The following LRRC37A variants were observed in gnomAD, a reference collection of about 807,000 sequenced individuals.
The protein encoded by LRRC37A is leucine-rich repeat-containing protein 37A.
In LRRC37A, 3 loss-of-function variants were observed where a neutral mutation model predicts 35.4. The observed-to-expected ratio is 0.08, with a 90% CI of 0.04 to 0.22. The LOEUF is 0.22. Ranked by LOEUF, LRRC37A falls within the 10% of genes least tolerant of loss-of-function variation. The probability of loss-of-function intolerance (pLI) is 1.00; values close to 1 mark genes in which losing one functional copy is unlikely to be tolerated. For synonymous variants in LRRC37A, 23 were observed against 215.0 expected (o/e 0.11, Z 7.81); for missense variants, 67 against 565.3 (o/e 0.12, Z 8.94).
At chr17:46,292,023 C>A (rs1443824059), upstream of LRRC37A, among the ~76,000 whole-genome samples, 9 of 133,920 alleles carry the variant, frequency 6.7e-5, no homozygotes, top group Admixed American at 5.3e-4. Flanking sequence ...GAATTCACTC[C>A]AAATGAAATT....
At chr17:46,289,206 A>G (rs2732607), upstream of LRRC37A, among the ~76,000 whole-genome samples, 10,626 of 136,792 alleles carry the variant, frequency 0.078, no homozygotes, top group Non-Finnish European at 0.12. Flanking sequence ...TTTGGAGATA[A>G]GAGTCTCACT....
the LRRC37A span, chr17:46,275,486 G>A: frequency 1.5e-6 from 1 of 677,778 alleles, no homozygotes; most frequent in African/African-American, 1.9e-5. Flanking sequence ...TTATGCGGAT[G>A]CCAAAGTAAA....
chr17:46,262,829 A>G, the LRRC37A span, among the ~76,000 whole-genome samples: 1 of 152,208 alleles, frequency 6.6e-6, no homozygotes, highest in Non-Finnish European at 1.5e-5. Flanking sequence ...GAAAGGAAGG[A>G]AGATCCTCAT....
At chr17:46,291,797 C>A (rs1451566399), upstream of LRRC37A, among the ~76,000 whole-genome samples, 6 of 151,724 alleles carry the variant, frequency 4.0e-5, no homozygotes, top group African/African-American at 1.5e-4. Context: ...CAACAAAAAA[C>A]ACCCCAAAAT....
the LRRC37A span, among the ~76,000 whole-genome samples, chr17:46,277,164 T>C: frequency 1.3e-5 from 2 of 152,186 alleles, no homozygotes; most frequent in Non-Finnish European, 2.9e-5. Flanking sequence ...ATGTGCTTTA[T>C]TGAAAATTAT....
the LRRC37A span, among the ~76,000 whole-genome samples, chr17:46,260,864 C>A: frequency 6.6e-6 from 1 of 152,138 alleles, no homozygotes; most frequent in African/African-American, 2.4e-5. Context: ...CTCAGGTGAT[C>A]CACCCACCTC....
chr17:46,291,987 A>T (rs1353380022), upstream of LRRC37A, among the ~76,000 whole-genome samples: 30 of 121,248 alleles, frequency 2.5e-4, 1 homozygote, highest in East Asian at 7.6e-3. Flanking sequence ...AAAAAAAAAA[A>T]GCCAATAAAA....
chr17:46,287,003 C>T, the LRRC37A span, among the ~76,000 whole-genome samples: 1 of 152,208 alleles, frequency 6.6e-6, no homozygotes, highest in Non-Finnish European at 1.5e-5. Context: ...ATGTAATTGT[C>T]GTTTTGAGCT....
chr17:46,332,908 GATATAATAGC>G (rs2052076558), intron 10 of LRRC37A, among the ~76,000 whole-genome samples: 1 of 151,390 alleles, frequency 6.6e-6, no homozygotes, highest in African/African-American at 2.4e-5. Context: ...TTAAGAAGTC[GATATAATAGC>G]AAAATTTCTC....
chr17:46,289,275 C>G (rs1173945877), upstream of LRRC37A, among the ~76,000 whole-genome samples: 1 of 152,192 alleles, frequency 6.6e-6, no homozygotes, highest in African/African-American at 2.4e-5. Context: ...CTTGACCTGC[C>G]AGGCTCAAGT....
At chr17:46,259,021 T>TTTTTTTTTTTTTTTG in the LRRC37A span, among the ~76,000 whole-genome samples, 1 of 53,264 alleles carries the variant, frequency 1.9e-5, no homozygotes, top group Non-Finnish European at 3.5e-5. Flanking sequence ...CCCGGCCTAT[T>TTTTTTTTTTTTTTTG]TTTTTTTTTT....
the LRRC37A span, among the ~76,000 whole-genome samples, chr17:46,264,254 G>A: frequency 6.6e-6 from 1 of 151,448 alleles, no homozygotes; most frequent in African/African-American, 2.4e-5. Context: ...GTGAGCCACT[G>A]AGCCTGGCCT....
At chr17:46,268,565 G>A in the LRRC37A span, 1 of 1,521,466 alleles carries the variant, frequency 6.6e-7, no homozygotes, top group Middle Eastern at 1.9e-4. Context: ...CTACAGCTCT[G>A]CTCCAGGTCC....
At chr17:46,272,044 G>A in the LRRC37A span, among the ~76,000 whole-genome samples, 2 of 152,270 alleles carry the variant, frequency 1.3e-5, no homozygotes, top group Admixed American at 1.3e-4. Flanking sequence ...ATAGGCGTGA[G>A]CCACCATGCC....
chr17:46,251,408 A>G, the LRRC37A span, among the ~76,000 whole-genome samples: 1 of 151,952 alleles, frequency 6.6e-6, no homozygotes, highest in Non-Finnish European at 1.5e-5. Flanking sequence ...ATGGGCATGC[A>G]CCATCACGCC....
At chr17:46,277,787 C>T in the LRRC37A span, among the ~76,000 whole-genome samples, 6 of 151,564 alleles carry the variant, frequency 4.0e-5, no homozygotes, top group African/African-American at 1.5e-4. Flanking sequence ...GCTGGGATTA[C>T]AGGTGCCCAC....
chr17:46,262,002 T>G, the LRRC37A span, among the ~76,000 whole-genome samples: 1 of 152,168 alleles, frequency 6.6e-6, no homozygotes, highest in Non-Finnish European at 1.5e-5. Flanking sequence ...CAGGCTGGAG[T>G]GCAGTGATGC....
chr17:46,290,263 T>G (rs1162643773), upstream of LRRC37A, among the ~76,000 whole-genome samples: 7 of 152,284 alleles, frequency 4.6e-5, no homozygotes, highest in Non-Finnish European at 8.8e-5. Context: ...GCCAAGTAGC[T>G]GAGACTACAG....
chr17:46,263,412 A>G, the LRRC37A span, among the ~76,000 whole-genome samples: 2 of 151,876 alleles, frequency 1.3e-5, no homozygotes, highest in East Asian at 1.9e-4. Flanking sequence ...TTAGCCAGGC[A>G]TGGTGGTGTG....
Sources: gnomAD v4.1 joint callset for allele counts (sites outside exome capture counted in the v4.1 genomes callset) on GRCh38, gnomAD v4.1.1 for gene constraint, MANE v1.5 for transcripts, NCBI Gene and HGNC (gene_info 2026-07-23, HGNC 2026-07-21) for gene names.